MGMT: variants seen among roughly 807,000 people sequenced by gnomAD.
MGMT encodes methylated-DNA--protein-cysteine methyltransferase.
MGMT carries 14 observed loss-of-function variants against 15.9 expected under a neutral mutation model. That is an observed-to-expected ratio of 0.88 (90% CI 0.58 to 1.37). MGMT has a LOEUF of 1.37. Among genes scored for constraint, MGMT ranks in the 40% most tolerant of loss-of-function variants. The probability of loss-of-function intolerance (pLI) is 0.00; values close to 1 mark genes in which losing one functional copy is unlikely to be tolerated. For missense variants in MGMT, 282 were observed against 268.1 expected, an observed-to-expected ratio of 1.05 and a Z score of -0.36; for synonymous variants, 130 against 118.2, an observed-to-expected ratio of 1.10 and a Z score of -0.65.
In MGMT at chr10:129,552,334, G is replaced by A. The variant is rs554284296; in HGVS notation, c.125+15957G>A. 6.6e-5 allele frequency among the ~76,000 whole-genome samples: 10 copies of A among 152,322 alleles called. No homozygotes were observed. In the South Asian group the frequency reaches 2.1e-3, roughly 32 times the overall value. On this transcript the variant is annotated intron_variant, in intron 2 of 4. Transcript: ENST00000651593. Reference sequence around the variant, plus strand: ...GTGGCTTGAGCTGCGTCACCATGACGCTGCATGCCCAGGTGGTCATCCAGG... The same window carrying A: ...GTGGCTTGAGCTGCGTCACCATGACACTGCATGCCCAGGTGGTCATCCAGG...
intron 1 of MGMT, among the ~76,000 whole-genome samples, chr10:129,495,748 ATTC>A (rs886470734): frequency 6.6e-6 from 1 of 152,122 alleles, no homozygotes; most frequent in African/African-American, 2.4e-5. Context: ...TTCCACCAGG[ATTC>A]TTCTTCCCAT....
chr10:129,719,428 G>A (rs946238515), intron 3 of MGMT, among the ~76,000 whole-genome samples: 10 of 152,238 alleles, frequency 6.6e-5, no homozygotes, highest in Non-Finnish European at 1.5e-4. Context: ...AAAACAAAGT[G>A]ATGCCAACTG....
At chr10:129,732,521 A>T (rs2133163818) in intron 3 of MGMT, among the ~76,000 whole-genome samples, 1 of 151,746 alleles carries the variant, frequency 6.6e-6, no homozygotes, top group South Asian at 2.1e-4. Flanking sequence ...TCCATAGTGT[A>T]CACATGCCAC....
chr10:129,554,884 A>G (rs189419196), intron 2 of MGMT, among the ~76,000 whole-genome samples: 6 of 152,240 alleles, frequency 3.9e-5, no homozygotes, highest in African/African-American at 1.4e-4. Flanking sequence ...CCGGAGCGAG[A>G]TTCCTAACTC....
intron 3 of MGMT, among the ~76,000 whole-genome samples, chr10:129,719,050 C>T (rs569476880): frequency 9.2e-5 from 14 of 151,942 alleles, no homozygotes; most frequent in East Asian, 5.8e-4. Flanking sequence ...CCTGCTCAGG[C>T]GTGTCACCGT....
intron 2 of MGMT, among the ~76,000 whole-genome samples, chr10:129,606,309 C>A (rs555016714): frequency 1.3e-5 from 2 of 152,302 alleles, no homozygotes; most frequent in Admixed American, 1.3e-4. Flanking sequence ...ACTTAATGAC[C>A]TCAAAATTTG....
At chr10:129,570,411 C>T (rs1288595017) in intron 2 of MGMT, among the ~76,000 whole-genome samples, 1 of 152,256 alleles carries the variant, frequency 6.6e-6, no homozygotes, top group Non-Finnish European at 1.5e-5. Context: ...GGCCAGCCCA[C>T]CTGGGCCTCC....
intron 2 of MGMT, among the ~76,000 whole-genome samples, chr10:129,597,763 C>T (rs1270214012): frequency 6.6e-6 from 1 of 152,258 alleles, no homozygotes; most frequent in African/African-American, 2.4e-5. Context: ...GAGTAGAGAC[C>T]TCACAGGCCT....
At chr10:129,644,378 C>T (rs1847361694) in intron 2 of MGMT, among the ~76,000 whole-genome samples, 1 of 152,220 alleles carries the variant, frequency 6.6e-6, no homozygotes. Context: ...GCTGGGTGGC[C>T]TCATGGCAGG....
At chr10:129,657,949 G>A (rs1417717535) in intron 2 of MGMT, among the ~76,000 whole-genome samples, 1 of 152,066 alleles carries the variant, frequency 6.6e-6, no homozygotes, top group Non-Finnish European at 1.5e-5. Context: ...ATTTTCTTTG[G>A]CTGAGGAAAT....
At chr10:129,645,672 C>A (rs1847380438) in intron 2 of MGMT, among the ~76,000 whole-genome samples, 1 of 152,246 alleles carries the variant, frequency 6.6e-6, no homozygotes. Context: ...GGTCTCCAAT[C>A]CGGACTCAGC....
At chr10:129,738,207 C>G (rs988521064) in intron 3 of MGMT, among the ~76,000 whole-genome samples, 2 of 152,336 alleles carry the variant, frequency 1.3e-5, no homozygotes, top group East Asian at 3.9e-4. Context: ...ATCAGCGAGA[C>G]TCCGTGGGCA....
At chr10:129,586,663 T>A (rs1271327041) in intron 2 of MGMT, among the ~76,000 whole-genome samples, 1 of 152,230 alleles carries the variant, frequency 6.6e-6, no homozygotes. Flanking sequence ...TTCTTTCTGC[T>A]TTCGGCTGTT....
chr10:129,627,550 C>T (rs923692202), intron 2 of MGMT, among the ~76,000 whole-genome samples: 3 of 152,184 alleles, frequency 2.0e-5, no homozygotes, highest in Admixed American at 6.5e-5. Context: ...TCTGGCCCCT[C>T]GCCCTCCACT....
chr10:129,675,299 T>G lies in MGMT; in HGVS notation c.126-32596T>G, dbSNP rs974816538. 3.9e-5 allele frequency among the ~76,000 whole-genome samples: 6 copies of G among 151,990 alleles called. No homozygotes were observed. The East Asian group carries it at 1.2e-3, about 29-fold the overall frequency. On this transcript the variant is annotated intron_variant, in intron 2 of 4. Coordinates refer to ENST00000651593, the MANE Select transcript of MGMT (RefSeq NM_002412.5). The stretch of plus-strand genomic sequence containing the variant: ...CCTGGCTGTAGTGTGGTGAGCACAT[T>G]GGATTTGGAGAGGTTAGGCAGATGC...
intron 2 of MGMT, among the ~76,000 whole-genome samples, chr10:129,673,486 G>C (rs1175238410): frequency 3.9e-5 from 6 of 152,116 alleles, no homozygotes; most frequent in Non-Finnish European, 7.3e-5. Flanking sequence ...CTTCCTCGCA[G>C]TGCCTGCCAC....
intron 2 of MGMT, among the ~76,000 whole-genome samples, chr10:129,668,789 G>A (rs145323412): frequency 6.6e-6 from 1 of 152,052 alleles, no homozygotes; most frequent in African/African-American, 2.4e-5. Context: ...ATTTTTAAAA[G>A]AACTTTTTCT....
At chr10:129,568,781 TCTGCCCCCTTTTCC>T (rs1285683606) in intron 2 of MGMT, among the ~76,000 whole-genome samples, 1 of 152,080 alleles carries the variant, frequency 6.6e-6, no homozygotes, top group African/African-American at 2.4e-5. Context: ...CCTGCCCACC[TCTGCCCCCTTTTCC>T]CTGCCCCCTC....
chr10:129,664,047 G>T (rs1847629635), intron 2 of MGMT, among the ~76,000 whole-genome samples: 1 of 152,148 alleles, frequency 6.6e-6, no homozygotes, highest in South Asian at 2.1e-4. Flanking sequence ...AAATATTGAT[G>T]CAGAAATCCC....
Sources: gnomAD v4.1 joint callset for allele counts (sites outside exome capture counted in the v4.1 genomes callset) on GRCh38, gnomAD v4.1.1 for gene constraint, MANE v1.5 for transcripts, NCBI Gene and HGNC (gene_info 2026-07-23, HGNC 2026-07-21) for gene names.